The following EPC2 variants were observed in gnomAD, a reference collection of about 807,000 sequenced individuals.
The protein encoded by EPC2 is enhancer of polycomb homolog 2.
In EPC2, 14 loss-of-function variants were observed where a neutral mutation model predicts 92.1. The observed-to-expected ratio is 0.15, with a 90% CI of 0.10 to 0.24. The LOEUF is 0.24. Ranked by LOEUF, EPC2 falls within the 10% of genes least tolerant of loss-of-function variation. EPC2 has a pLI of 1.00. For missense variants in EPC2, 755 were observed against 971.5 expected (o/e 0.78, Z 2.96); for synonymous variants, 340 against 334.7 (o/e 1.02, Z -0.17).
chr2:148,781,020 G>T (rs1030619917), intron 10 of EPC2, among the ~76,000 whole-genome samples: 7 of 152,074 alleles, frequency 4.6e-5, no homozygotes, highest in Non-Finnish European at 8.8e-5. Context: ...CTACATCTGA[G>T]GATACATAGT....
chr2:148,663,078 T>C (rs759138347), intron 1 of EPC2, among the ~76,000 whole-genome samples: 1 of 151,546 alleles, frequency 6.6e-6, no homozygotes, highest in Non-Finnish European at 1.5e-5. Flanking sequence ...TAGGGTGAGA[T>C]GATTTACCAG....
intron 3 of EPC2, among the ~76,000 whole-genome samples, chr2:148,748,158 A>AT (rs1288969028): frequency 6.6e-6 from 1 of 152,056 alleles, no homozygotes; most frequent in Admixed American, 6.6e-5. Context: ...TCACAAGAAT[A>AT]TTTAAGTGTA....
At chr2:148,738,745 A>G (rs889255871) in intron 2 of EPC2, among the ~76,000 whole-genome samples, 1 of 152,198 alleles carries the variant, frequency 6.6e-6, no homozygotes, top group African/African-American at 2.4e-5. Flanking sequence ...AGGCTTTAGG[A>G]AGGCAAGAAA....
At chr2:148,720,473 T>C (rs1682348444) in intron 2 of EPC2, among the ~76,000 whole-genome samples, 1 of 152,194 alleles carries the variant, frequency 6.6e-6, no homozygotes, top group Non-Finnish European at 1.5e-5. Flanking sequence ...GGGGGGTATA[T>C]GTGGACCTCC....
rs1483439323 is a variant in EPC2, at chr2:148,764,985, G to A, written c.979G>A (p.Ala327Thr). ...TCATCATTTGTCTTTGAAAGAAGAGGCTTCTGATGTGGTTCGTCAAAAGAA... is the reference window on the plus strand; with the variant it reads ...TCATCATTTGTCTTTGAAAGAAGAGACTTCTGATGTGGTTCGTCAAAAGAA... The part of the protein sequence containing the change: ...HPHHLSLKEE[A>T]SDVVRQKKKY... The change falls in exon 7 of 14, where the codon GCT becomes ACT. Residue 327 changes from alanine (A) to threonine (T), a missense_variant. By Grantham distance (58) the Ala-to-Thr change is moderately conservative. Around this residue, in one of 4 missense-constraint regions of EPC2, gnomAD observed 509 missense variants for 607.7 expected, o/e 0.84. Coordinates refer to ENST00000258484, the MANE Select transcript of EPC2 (RefSeq NM_015630.4). 3 of 1,584,292 alleles carry A rather than the reference G, an allele frequency of 1.9e-6. No homozygotes were observed. The highest frequency in any genetic ancestry group is 2.6e-6 in the Non-Finnish European group (3 of 1,166,832).
At chr2:148,784,010 A>ACTGT (rs1297111080) in intron 12 of EPC2, among the ~76,000 whole-genome samples, 1 of 152,172 alleles carries the variant, frequency 6.6e-6, no homozygotes, top group Non-Finnish European at 1.5e-5. Context: ...TCATTCACAT[A>ACTGT]CTGTCAGTTG....
intron 2 of EPC2, among the ~76,000 whole-genome samples, chr2:148,730,272 G>A (rs940071943): frequency 6.6e-6 from 1 of 152,180 alleles, no homozygotes; most frequent in African/African-American, 2.4e-5. Flanking sequence ...GAACTTTGGA[G>A]AGCTCCAAGC....
At chr2:148,748,726 GAAAC>G (rs1219618112) in intron 3 of EPC2, among the ~76,000 whole-genome samples, 2 of 151,764 alleles carry the variant, frequency 1.3e-5, no homozygotes, top group South Asian at 2.1e-4. Context: ...TTTTGTGAAT[GAAAC>G]AAAGTTTTGA....
At chr2:148,760,803 T>G (rs1197887943) in intron 4 of EPC2, among the ~76,000 whole-genome samples, 1 of 152,178 alleles carries the variant, frequency 6.6e-6, no homozygotes, top group African/African-American at 2.4e-5. Flanking sequence ...TAACTTTGAC[T>G]TTTTCTCAAT....
intron 4 of EPC2, among the ~76,000 whole-genome samples, chr2:148,761,124 ATAAT>A (rs1683294437): frequency 6.6e-6 from 1 of 152,210 alleles, no homozygotes; most frequent in Non-Finnish European, 1.5e-5. Flanking sequence ...ACTTTGTATA[ATAAT>A]TAGTTGAAAA....
Position 148,753,871 on chromosome 2 carries a change from C to G in EPC2, c.460-56C>G, listed in dbSNP as rs867293123. 53 of 1,498,724 alleles carry G rather than the reference C, an allele frequency of 3.5e-5. 1 individual carries two copies. The Middle Eastern group carries it at 2.4e-3, about 68-fold the overall frequency. The allele number at this position is 1,498,724 out of a possible 1,614,324, so 92.8% of individuals were successfully genotyped here. On this transcript the variant is annotated intron_variant, in intron 3 of 13. Coordinates refer to ENST00000258484, the MANE Select transcript of EPC2 (RefSeq NM_015630.4). ...ATTTTTTTCTACAGCCATAAGCTAA[C>G]TTTTATTTCTTTTTGCAAACATTGT...
chr2:148,721,953 G>C (rs1203263321), intron 2 of EPC2, among the ~76,000 whole-genome samples: 1 of 78,270 alleles, frequency 1.3e-5, no homozygotes, highest in Non-Finnish European at 2.6e-5. Flanking sequence ...GTTTTTGCAT[G>C]TTGTCTGTTT....
intron 2 of EPC2, among the ~76,000 whole-genome samples, chr2:148,737,575 A>G (rs1435597694): frequency 6.6e-6 from 1 of 152,202 alleles, no homozygotes; most frequent in East Asian, 1.9e-4. Flanking sequence ...CAGCGTGCCT[A>G]GTGCTTCAGA....
intron 2 of EPC2, among the ~76,000 whole-genome samples, chr2:148,738,944 C>G (rs1434454463): frequency 2.0e-5 from 3 of 152,258 alleles, no homozygotes; most frequent in African/African-American, 7.2e-5. Flanking sequence ...AGGTCTCCCC[C>G]TAATAGGAGC....
At position 148,733,479 on chromosome 2, in the gene EPC2, A is replaced by ATTTTTTTT. The variant is rs34219179; in HGVS notation, c.314-10114_314-10107dup. Among the ~76,000 whole-genome samples, 2 of 26,680 alleles carry ATTTTTTTT rather than the reference A, an allele frequency of 7.5e-5. 1 individual carries two copies. The highest frequency in any genetic ancestry group is 1.4e-4 in the Non-Finnish European group (2 of 13,940). 17.5% of individuals were successfully genotyped at this position (26,680 alleles called of 152,430 possible). On this transcript the variant is annotated intron_variant, in intron 2 of 13. Coordinates refer to ENST00000258484, the MANE Select transcript of EPC2 (RefSeq NM_015630.4). ...CTTTCTCTTTTCTTTCTCTCTCTGG[A>ATTTTTTTT]TTTTTTTTTTTTTTTTTTTTTTTTT...
intron 3 of EPC2, among the ~76,000 whole-genome samples, chr2:148,744,486 A>G (rs971634454): frequency 1.3e-5 from 2 of 152,134 alleles, no homozygotes; most frequent in Non-Finnish European, 2.9e-5. Flanking sequence ...AGGAAATTGT[A>G]CATTATATAA....
rs139055562 is a variant in EPC2 at position 148,767,039 on chromosome 2, C to T, written c.1140+1893C>T. Among the ~76,000 whole-genome samples the T allele has an allele frequency of 2.7e-3, 409 of 151,830 alleles. 4 individuals are homozygous for T. The highest frequency in any genetic ancestry group is 3.6e-3 in the Non-Finnish European group (242 of 67,912). On this transcript the variant is annotated intron_variant, in intron 7 of 13. Transcript: ENST00000258484. ...TCTTTACCGAAAAAACAGAAACAAACGTAGAAAAATTAGCCAGGCGTGGTG... is the reference window on the plus strand; with the variant it reads ...TCTTTACCGAAAAAACAGAAACAAATGTAGAAAAATTAGCCAGGCGTGGTG...
intron 1 of EPC2, among the ~76,000 whole-genome samples, chr2:148,683,897 A>C (rs1310184618): frequency 1.3e-5 from 2 of 152,212 alleles, no homozygotes; most frequent in African/African-American, 4.8e-5. Flanking sequence ...TAGTGGGATT[A>C]CTGGATCAAA....
intron 1 of EPC2, among the ~76,000 whole-genome samples, chr2:148,659,460 A>T (rs1386817339): frequency 6.6e-6 from 1 of 152,192 alleles, no homozygotes; most frequent in African/African-American, 2.4e-5. Flanking sequence ...TTAAAGTTTT[A>T]GACTGAATTT....
Sources: allele counts gnomAD v4.1 joint callset (sites outside exome capture counted in the v4.1 genomes callset), GRCh38; gene constraint gnomAD v4.1.1; regional missense constraint gnomAD v4.1.1; transcripts MANE v1.5; gene names NCBI Gene and HGNC (gene_info 2026-07-23, HGNC 2026-07-21).